Variants in VPS18 observed in about 807,000 individuals in gnomAD.
VPS18 encodes the protein VPS18 core subunit of CORVET and HOPS complexes.
Under a neutral mutation model 82.0 loss-of-function variants are expected in VPS18, and 25 were observed. The ratio of observed to expected loss-of-function variants is 0.30; its 90% confidence interval spans 0.22 to 0.43. The LOEUF (loss-of-function observed/expected upper bound fraction) is 0.43, where lower values mean the gene tolerates loss of function less well. Among genes scored for constraint, VPS18 ranks in the 20% least tolerant of loss-of-function variants. The pLI, the probability that VPS18 is intolerant of heterozygous loss-of-function variation, is 1.00. For synonymous variants in VPS18, 523 were observed against 543.0 expected (o/e 0.96, Z 0.51); for missense variants, 1,168 against 1,311.1 (o/e 0.89, Z 1.69).
In VPS18 at chr15:40,894,466, G is replaced by C; in HGVS notation, c.-303G>C. 1 of 292,268 alleles carries C rather than the reference G, an allele frequency of 3.4e-6. No homozygotes were observed. The highest frequency in any genetic ancestry group is 6.3e-6 in the Non-Finnish European group (1 of 157,538). 18.1% of individuals were successfully genotyped at this position (292,268 alleles called of 1,614,324 possible). ...GGGGGCGGGAGTCAGCTGAGCTGCC[G>C]GGGCGAGGTTGGGATCACCTGGCAC... On this transcript the variant is annotated 5_prime_UTR_variant, in exon 1 of 5. Coordinates refer to ENST00000220509, the MANE Select transcript of VPS18 (RefSeq NM_020857.3).
chr15:40,903,287 C>T lies in VPS18; in HGVS notation c.2868C>T (p.Asp956=), dbSNP rs756357336. 10 of 1,570,812 alleles carry T rather than the reference C, an allele frequency of 6.4e-6. No homozygotes were observed. Among genetic ancestry groups the T allele is most frequent in the Non-Finnish European group, 7.8e-6 (9 of 1,159,260 alleles). The stretch of plus-strand genomic sequence containing the variant: ...GGGAGCTGATGATCCGCTCTATCGA[C>T]CGGCCGTTCATCGACCCCCAGCGCT... ...YCGELMIRSI[D]RPFIDPQRYE... Residue 956 remains aspartate, a synonymous_variant, in exon 5 of 5, where the codon GAC becomes GAT. Transcript: ENST00000220509.
intron 4 of VPS18, among the ~76,000 whole-genome samples, 167 bp downstream of exon 4, chr15:40,901,181 C>T (rs967301380): frequency 1.3e-5 from 2 of 152,228 alleles, no homozygotes; most frequent in African/African-American, 4.8e-5. Context: ...GGCTATGCCA[C>T]TTACTAAGCT....
At position 40,900,564 on chromosome 15, in the gene VPS18, C is replaced by T. The variant is rs978182898; in HGVS notation, c.1746C>T (p.Ala582=). 5.6e-6 allele frequency: 9 copies of T among 1,613,752 alleles called. No homozygotes were observed. Among genetic ancestry groups the T allele is most frequent in the Non-Finnish European group, 7.6e-6 (9 of 1,180,028 alleles). Residue 582 remains alanine (A), a synonymous_variant, in exon 4 of 5, where the codon GCC becomes GCT. Coordinates refer to ENST00000220509, the MANE Select transcript of VPS18 (RefSeq NM_020857.3). The surrounding 1 kb of genome is among the most constrained non-coding windows in gnomAD (Gnocchi z 5.4). The part of the protein sequence containing the change: ...YHCQHEAYEE[A]LAVLARHRDP... ...GTCAGCACGAGGCCTACGAGGAGGC[C>T]CTGGCCGTGCTCGCCCGCCACCGTG...
At chr15:40,896,759 T>C (rs1245063592) in intron 2 of VPS18, among the ~76,000 whole-genome samples, 7 of 141,326 alleles carry the variant, frequency 5.0e-5, no homozygotes, top group Admixed American at 3.0e-4. Flanking sequence ...TGCAGTGAGC[T>C]GAGATTGCAC....
intron 2 of VPS18, chr15:40,898,613 G>A: frequency 2.3e-6 from 1 of 428,258 alleles, no homozygotes; most frequent in Non-Finnish European, 4.4e-6. Flanking sequence ...TGGGACCACA[G>A]GTGTGTACCA....
rs925099984 is a variant in VPS18, at chr15:40,898,712, A to G, written c.234-195A>G. The G allele has an allele frequency of 2.9e-5, 19 of 648,896 alleles. No individual in the cohort carries two copies. In the East Asian group the frequency reaches 3.4e-4, roughly 12 times the overall value. The allele number at this position is 648,896 out of a possible 1,614,324, so 40.2% of individuals were successfully genotyped here. A position where few individuals can be genotyped will look rare whatever the true frequency, so the allele number is the denominator to read the frequency against. ...GGTCTCAAACTCCTGAGCTCAAGCAATCTACCCACCTCGGACTCCCAAAGT... is the reference window on the plus strand; with the variant it reads ...GGTCTCAAACTCCTGAGCTCAAGCAGTCTACCCACCTCGGACTCCCAAAGT... On this transcript the variant is annotated intron_variant, in intron 2 of 4. Transcript: ENST00000220509.
Position 40,903,462 on chromosome 15 carries a change from C to T in VPS18, c.*121C>T, listed in dbSNP as rs1037994281. 1.4e-5 allele frequency: 19 copies of T among 1,391,232 alleles called. No homozygotes were observed. Among genetic ancestry groups the T allele is most frequent in the South Asian group, 3.1e-5 (2 of 63,986 alleles). The allele number at this position is 1,391,232 out of a possible 1,614,324, so 86.2% of individuals were successfully genotyped here. ...AATTGCCACACTGTGACCACGTTGA[C>T]GGGAGTAGAGTAGCGCTGTTGGCCA... On this transcript the variant is annotated 3_prime_UTR_variant, in exon 5 of 5. Transcript: ENST00000220509.
rs780235611 is a variant in VPS18, at chr15:40,900,130, C to G, written c.1312C>G (p.Arg438Gly). ...GGCCGATTTCTGCTTTCGCCAGCGT[C>G]GCTACCTGGAGAGCGCACGCTGCTA... is the stretch of plus-strand genomic sequence containing the variant. ...READFCFRQR[R>G]YLESARCYAL... Residue 438 changes from arginine to glycine, a missense_variant, in exon 4 of 5, where the codon CGC becomes GGC. By Grantham distance (125) the Arg-to-Gly change is moderately radical. This residue lies in a region of VPS18 where 868 missense variants were observed against 939.8 expected (regional missense o/e 0.92). Transcript: ENST00000220509. The surrounding 1 kb of genome is among the most constrained non-coding windows in gnomAD (Gnocchi z 5.4). 11 of 1,613,806 alleles carry G rather than the reference C, an allele frequency of 6.8e-6. No homozygotes were observed. Among genetic ancestry groups the G allele is most frequent in the South Asian group, 2.2e-5 (2 of 91,084 alleles).
chr15:40,895,551 G>A lies in VPS18; in HGVS notation c.92-387G>A, dbSNP rs61560556. ...AGGCTCATTACCGCATGGGCAGGGA[G>A]GGGGGCAGAGAATGGGGCTATACTA... On this transcript the variant is annotated intron_variant, in intron 1 of 4. Coordinates refer to ENST00000220509, the MANE Select transcript of VPS18 (RefSeq NM_020857.3). Among the ~76,000 whole-genome samples, 1,366 of 152,254 alleles carry A rather than the reference G, an allele frequency of 9.0e-3. 14 individuals carry two copies. Among genetic ancestry groups the A allele is most frequent in the African/African-American group, 0.031 (1,304 of 41,538 alleles).
intron 4 of VPS18, 76 bp downstream of exon 4, chr15:40,901,090 G>A: frequency 6.7e-7 from 1 of 1,487,982 alleles, no homozygotes; most frequent in Non-Finnish European, 9.1e-7. Flanking sequence ...AGGGCTTGGG[G>A]GGCCATGGCT....
Position 40,903,477 on chromosome 15 carries a change from G to A in VPS18, c.*136G>A, listed in dbSNP as rs866015552. On this transcript the variant is annotated 3_prime_UTR_variant, in exon 5 of 5. Coordinates refer to ENST00000220509, the MANE Select transcript of VPS18 (RefSeq NM_020857.3). Reference sequence around the variant, plus strand: ...ACCACGTTGACGGGAGTAGAGTAGCGCTGTTGGCCAGGAGGTGTCAGGTGT... The same window carrying A: ...ACCACGTTGACGGGAGTAGAGTAGCACTGTTGGCCAGGAGGTGTCAGGTGT... 109 of 1,271,242 alleles carry A rather than the reference G, an allele frequency of 8.6e-5. No homozygotes were observed. Among genetic ancestry groups the A allele is most frequent in the Admixed American group, 6.8e-4 (22 of 32,264 alleles). 78.7% of individuals were successfully genotyped at this position (1,271,242 alleles called of 1,614,324 possible).
intron 2 of VPS18, among the ~76,000 whole-genome samples, chr15:40,897,060 C>G (rs1892241586): frequency 6.6e-6 from 1 of 152,178 alleles, no homozygotes; most frequent in South Asian, 2.1e-4. Context: ...CTTTGGGAGG[C>G]TGAGGCAGGC....
chr15:40,900,300 G>A lies in VPS18; in HGVS notation c.1482G>A (p.Trp494Ter). 6.2e-7 allele frequency: 1 copy of A among 1,613,670 alleles called. No individual in the cohort carries two copies. Residue 494 changes from tryptophan (W) to a stop codon, truncating the protein, a stop_gained, in exon 4 of 5, where the codon TGG becomes TGA. Coordinates refer to ENST00000220509, the MANE Select transcript of VPS18 (RefSeq NM_020857.3). LOFTEE classifies it high-confidence loss of function. The surrounding 1 kb of genome is among the most constrained non-coding windows in gnomAD (Gnocchi z 5.4). ...CCCAGGCCACACTGCTGACCACCTG[G>A]CTGACAGAGCTCTACCTGAGCCGGC... ...ERTQATLLTT[W>*]LTELYLSRLG...
Position 40,900,918 on chromosome 15 carries a change from G to A in VPS18, c.2100G>A (p.Ala700=), listed in dbSNP as rs762583603. 27 of 1,613,572 alleles carry A rather than the reference G, an allele frequency of 1.7e-5. No homozygotes were observed. In the East Asian group the frequency reaches 3.6e-4, roughly 21 times the overall value. ...PHRVHYDLKY[A]LRLCAEHGHH... ...GGGTGCATTACGACCTCAAGTATGC[G>A]CTGCGGCTCTGCGCCGAGCATGGCC... The change falls in exon 4 of 5, where the codon GCG becomes GCA. Residue 700 remains alanine (A), a synonymous_variant. Transcript: ENST00000220509. The surrounding 1 kb of genome is among the most constrained non-coding windows in gnomAD (Gnocchi z 5.4).
chr15:40,894,712 G>C lies in VPS18; in HGVS notation c.-57G>C, dbSNP rs1596172527. The C allele has an allele frequency of 2.7e-6, 4 of 1,490,012 alleles. No homozygotes were observed. The East Asian group carries it at 1.1e-4, about 40-fold the overall frequency. The allele number at this position is 1,490,012 out of a possible 1,614,324, so 92.3% of individuals were successfully genotyped here. On this transcript the variant is annotated 5_prime_UTR_variant, in exon 1 of 5. Transcript: ENST00000220509. ...ATTCTGGGGCGACGGGGACCCCGGG[G>C]GGGTAGCCCTTTTGTAATCCCCAGG...
chr15:40,902,566 C>T lies in VPS18; in HGVS notation c.2197-50C>T, dbSNP rs764969092. 3 of 1,564,002 alleles carry T rather than the reference C, an allele frequency of 1.9e-6. No homozygotes were observed. The highest frequency in any genetic ancestry group is 1.4e-5 in the African/African-American group (1 of 74,048). On this transcript the variant is annotated intron_variant, in intron 4 of 4. Transcript: ENST00000220509. The surrounding 1 kb of genome is among the most constrained non-coding windows in gnomAD (Gnocchi z 4.2). ...GGCCATCTCTCTCTCCCATAGTCTC[C>T]ATGTTGGGCAGGGAGGGGCTTGGCC...
In VPS18 at chr15:40,902,706, G is replaced by A. The variant is rs776659707; in HGVS notation, c.2287G>A (p.Val763Met). ...KKLWLKIARHVVQEEEDVQTA... is the reference protein window; with the variant it reads ...KKLWLKIARHMVQEEEDVQTA... ...GCTGTGGCTGAAGATCGCACGGCAC[G>A]TGGTGCAGGAAGAGGAAGATGTACA... is the stretch of plus-strand genomic sequence containing the variant. The change falls in exon 5 of 5, where the codon GTG (valine) becomes ATG (methionine). Residue 763 changes from valine (V) to methionine (M), a missense_variant. Val to Met is a conservative substitution (Grantham distance 21). Coordinates refer to ENST00000220509, the MANE Select transcript of VPS18 (RefSeq NM_020857.3). The surrounding 1 kb of genome is among the most constrained non-coding windows in gnomAD (Gnocchi z 4.2). The A allele has an allele frequency of 2.0e-5, 33 of 1,614,294 alleles. No individual in the cohort carries two copies. The highest frequency in any genetic ancestry group is 2.5e-5 in the Non-Finnish European group (29 of 1,180,056).
chr15:40,901,152 T>C, intron 4 of VPS18, 138 bp downstream of exon 4: 1 of 915,658 alleles, frequency 1.1e-6, no homozygotes, highest in Admixed American at 2.9e-5. Flanking sequence ...CATGGACTGT[T>C]AAGTCAGATT....
chr15:40,897,588 C>G (rs1044338597), intron 2 of VPS18, among the ~76,000 whole-genome samples: 1 of 152,062 alleles, frequency 6.6e-6, no homozygotes, highest in Non-Finnish European at 1.5e-5. Flanking sequence ...ATCTTTGCAT[C>G]GATTCTTTAG....
Sources: allele counts gnomAD v4.1 joint callset (sites outside exome capture counted in the v4.1 genomes callset), GRCh38; gene constraint gnomAD v4.1.1; regional missense constraint gnomAD v4.1.1; non-coding constraint Gnocchi (gnomAD v3.1); transcripts MANE v1.5; gene names NCBI Gene and HGNC (gene_info 2026-07-23, HGNC 2026-07-21).